Variants in CUX1 observed in about 807,000 individuals in gnomAD.
CUX1 encodes the protein cut like homeobox 1, also known as protein CASP.
CUX1 carries 31 observed loss-of-function variants against 158.8 expected under a neutral mutation model. The ratio of observed to expected loss-of-function variants is 0.20; its 90% CI spans 0.15 to 0.26. The LOEUF is 0.26. Ranked by LOEUF, CUX1 falls within the 10% of genes least tolerant of loss-of-function variation. The probability of loss-of-function intolerance (pLI) is 1.00; values close to 1 mark genes in which losing one functional copy is unlikely to be tolerated. For synonymous variants in CUX1, 879 were observed against 862.1 expected (o/e 1.02, Z -0.34); for missense variants, 1,589 against 2,014.6 (o/e 0.79, Z 4.04).
chr7:102,134,261 C>T (rs563204457), intron 8 of CUX1, among the ~76,000 whole-genome samples: 87 of 152,154 alleles, frequency 5.7e-4, no homozygotes, highest in African/African-American at 2.0e-3. Context: ...CGCTTGAACC[C>T]GGGAGGTGGA....
intron 2 of CUX1, among the ~76,000 whole-genome samples, chr7:101,966,357 A>G (rs772626369): frequency 1.7e-4 from 25 of 147,536 alleles, no homozygotes; most frequent in Non-Finnish European, 3.0e-4. Context: ...ACACTGAGAT[A>G]TTTCTGGATC....
rs149859879 is a variant in CUX1 at position 101,844,743 on chromosome 7, G to A, written c.30+27074G>A. ...TGATTCTTGTGCCTCAGCCTTTTGA[G>A]TAGCTGGGATTACAGGCGCCTGCCC... On this transcript the variant is annotated intron_variant, in intron 1 of 23. Transcript: ENST00000292535. Among the ~76,000 whole-genome samples, 672 of 152,240 alleles carry A rather than the reference G, an allele frequency of 4.4e-3. 5 individuals are homozygous for A. Among genetic ancestry groups the A allele is most frequent in the Non-Finnish European group, 8.1e-3 (552 of 68,014 alleles).
rs371852972 is a variant in CUX1 at position 102,157,759 on chromosome 7, G to A, written c.675-801G>A. Among the ~76,000 whole-genome samples the A allele has an allele frequency of 4.6e-5, 7 of 152,270 alleles. No homozygotes were observed. In the East Asian group the frequency reaches 5.8e-4, roughly 13 times the overall value. ...CTCATCATTGCACTCCAGCCTGGGC[G>A]ACAGAGCTCTGTCTCAAAACAAACA... On this transcript the variant is annotated intron_variant, in intron 8 of 23. Transcript: ENST00000292535.
At position 102,087,441 on chromosome 7, in the gene CUX1, G is replaced by A. The variant is rs782649714; in HGVS notation, c.269-9923G>A. ...ACTAAAAATACAAAATTAGCTGGGC[G>A]TGGTGGCACATGCCTGTAATCCTAG... On this transcript the variant is annotated intron_variant, in intron 4 of 23. Transcript: ENST00000292535. Among the ~76,000 whole-genome samples the A allele has an allele frequency of 5.9e-5, 9 of 152,216 alleles. No individual in the cohort carries two copies. The South Asian group carries it at 8.3e-4, about 14-fold the overall frequency.
At chr7:101,860,735 C>CCCTTCCTTCCTCCCTTCCTT (rs1797355359) in intron 1 of CUX1, among the ~76,000 whole-genome samples, 1 of 90,514 alleles carries the variant, frequency 1.1e-5, no homozygotes, top group Admixed American at 1.3e-4. Context: ...TCCCCTTCCT[C>CCCTTCCTTCCTCCCTTCCTT]CCTTCCTTCC....
chr7:102,004,372 G>A (rs1387963287), intron 2 of CUX1, among the ~76,000 whole-genome samples: 1 of 152,210 alleles, frequency 6.6e-6, no homozygotes, highest in Middle Eastern at 3.2e-3. Flanking sequence ...TGGAGCCTGG[G>A]AGCACGGGTC....
chr7:102,102,780 C>T (rs1034104834), intron 5 of CUX1, among the ~76,000 whole-genome samples: 48 of 152,196 alleles, frequency 3.2e-4, no homozygotes, highest in Non-Finnish European at 2.5e-4. Flanking sequence ...CTAAGAGCTC[C>T]CCTCTCTTGG....
chr7:101,868,863 C>T (rs955778560), intron 1 of CUX1, among the ~76,000 whole-genome samples: 1 of 152,158 alleles, frequency 6.6e-6, no homozygotes, highest in Middle Eastern at 3.4e-3. Flanking sequence ...AGGGACAGAA[C>T]GGGAGCAAGA....
intron 8 of CUX1, among the ~76,000 whole-genome samples, chr7:102,121,170 T>G (rs1831989860): frequency 6.6e-6 from 1 of 152,156 alleles, no homozygotes; most frequent in South Asian, 2.1e-4. Context: ...CTTTTTATTT[T>G]ATTTTTTATT....
chr7:101,866,787 C>G (rs1186253748), intron 1 of CUX1, among the ~76,000 whole-genome samples: 2 of 152,172 alleles, frequency 1.3e-5, no homozygotes, highest in Non-Finnish European at 2.9e-5. Context: ...ATACAAGGCA[C>G]AAAACGTTGA....
At chr7:101,874,049 GA>G (rs112915177) in intron 1 of CUX1, among the ~76,000 whole-genome samples, 47 of 152,222 alleles carry the variant, frequency 3.1e-4, no homozygotes, top group African/African-American at 1.1e-3. Flanking sequence ...AGGATGCTTT[GA>G]AAAGAGTAAA....
At chr7:102,139,833 T>A (rs147027157) in intron 8 of CUX1, among the ~76,000 whole-genome samples, 1 of 150,978 alleles carries the variant, frequency 6.6e-6, no homozygotes, top group East Asian at 1.9e-4. Flanking sequence ...TTTTTTTTAA[T>A]TTATTGTAGA....
At position 102,028,153 on chromosome 7, in the gene CUX1, T is replaced by C; in HGVS notation, c.189+8T>C. Reference sequence around the variant, plus strand: ...AAGAGTTTCCAAGGAGAGGTAAGCTTTTCTATTCATTTTCTATCCTGAGCC... The same window carrying C: ...AAGAGTTTCCAAGGAGAGGTAAGCTCTTCTATTCATTTTCTATCCTGAGCC... On this transcript the variant is annotated splice_region_variant and intron_variant, in intron 3 of 23. Transcript: ENST00000292535. The C allele has an allele frequency of 6.2e-7, 1 of 1,613,094 alleles. No individual in the cohort carries two copies. Among genetic ancestry groups the C allele is most frequent in the Non-Finnish European group, 8.5e-7 (1 of 1,179,868 alleles).
chr7:101,898,738 G>T (rs1437222235), intron 1 of CUX1, among the ~76,000 whole-genome samples: 2 of 151,832 alleles, frequency 1.3e-5, no homozygotes, highest in African/African-American at 2.4e-5. Context: ...TTACAGGCAC[G>T]CACCACCACA....
intron 11 of CUX1, among the ~76,000 whole-genome samples, chr7:102,188,198 C>CT (rs1396054266): frequency 4.7e-4 from 64 of 134,786 alleles, no homozygotes; most frequent in African/African-American, 7.0e-4. Context: ...GATCCTGTCT[C>CT]TTTTTTAAAA....
intron 1 of CUX1, among the ~76,000 whole-genome samples, chr7:101,887,843 A>ATTTTTTTTTTT (rs554136468): frequency 1.3e-5 from 1 of 76,958 alleles, no homozygotes; most frequent in Non-Finnish European, 2.9e-5. Flanking sequence ...TGACGGTGAC[A>ATTTTTTTTTTT]TTTTTTTTTT....
rs778368760 is a variant in CUX1, at chr7:101,916,128, C to A, written c.44C>A (p.Ala15Asp). Reference protein sequence around the residue: ...AGARLKRELDATATVLANRQD... With the variant: ...AGARLKRELDDTATVLANRQD... Reference sequence around the variant, plus strand: ...TTTCCCCAACAGAGAGAACTCGATGCCACCGCAACGGTATTGGCGAACCGG... The same window carrying A: ...TTTCCCCAACAGAGAGAACTCGATGACACCGCAACGGTATTGGCGAACCGG... The change falls in exon 2 of 24, where the codon GCC becomes GAC. Residue 15 changes from alanine (A) to aspartate (D), a missense_variant. Physicochemically the swap from Ala to Asp is moderately radical, Grantham distance 126. Coordinates refer to ENST00000292535, the MANE Select transcript of CUX1 (RefSeq NM_181552.4). This position sits in a 1 kb window ranked among gnomAD's most constrained non-coding sequence, Gnocchi z 4.4. The A allele has an allele frequency of 6.2e-7, 1 of 1,612,634 alleles. No individual in the cohort carries two copies. Among genetic ancestry groups the A allele is most frequent in the Non-Finnish European group, 8.5e-7 (1 of 1,178,908 alleles).
chr7:102,110,776 C>G (rs1489544682), intron 6 of CUX1, among the ~76,000 whole-genome samples: 1 of 152,116 alleles, frequency 6.6e-6, no homozygotes, highest in Admixed American at 6.6e-5. Context: ...TTATATTACA[C>G]TTTAGACTGT....
intron 6 of CUX1, among the ~76,000 whole-genome samples, chr7:102,108,488 G>C (rs1052704039): frequency 6.6e-6 from 1 of 151,976 alleles, no homozygotes; most frequent in African/African-American, 2.4e-5. Context: ...GGGATTACAG[G>C]TGTGTGCCAC....
Sources: gnomAD v4.1 joint callset for allele counts (sites outside exome capture counted in the v4.1 genomes callset) on GRCh38, gnomAD v4.1.1 for gene constraint, Gnocchi (gnomAD v3.1) non-coding constraint, MANE v1.5 for transcripts, NCBI Gene and HGNC (gene_info 2026-07-23, HGNC 2026-07-21) for gene names.